The following WDR59 variants were observed in gnomAD, a reference collection of about 807,000 sequenced individuals.
WDR59 encodes the protein GATOR2 complex protein WDR59.
Under a neutral mutation model 131.2 loss-of-function variants are expected in WDR59, and 100 were observed. The observed-to-expected ratio is 0.76, with a 90% CI of 0.65 to 0.90. WDR59 has a LOEUF of 0.90. Ranked by LOEUF, WDR59 falls within the 40% of genes least tolerant of loss-of-function variation. The probability of loss-of-function intolerance (pLI) is 0.00; values close to 1 mark genes in which losing one functional copy is unlikely to be tolerated. For synonymous variants in WDR59, 601 were observed against 466.2 expected (o/e 1.29, Z -3.72); for missense variants, 1,203 against 1,262.2 (o/e 0.95, Z 0.71).
chr16:74,893,942 G>A, intron 18 of WDR59, 130 bp from the exon 19 acceptor site: 1 of 1,026,208 alleles, frequency 9.7e-7, no homozygotes, highest in Non-Finnish European at 1.4e-6. Flanking sequence ...CACAATTATG[G>A]GAATCAGCAT....
chr16:74,961,497 C>A (rs937829046), intron 2 of WDR59, among the ~76,000 whole-genome samples: 5 of 152,086 alleles, frequency 3.3e-5, no homozygotes, highest in Admixed American at 2.6e-4. Flanking sequence ...CTCTGACTGG[C>A]GAGAGATGGT....
intron 8 of WDR59, among the ~76,000 whole-genome samples, chr16:74,933,535 G>C (rs1232415880): frequency 6.6e-6 from 1 of 152,116 alleles, no homozygotes; most frequent in Non-Finnish European, 1.5e-5. Context: ...ACTTACTGCT[G>C]TATTTAACTT....
At chr16:74,917,409 G>C (rs1392052754) in intron 11 of WDR59, among the ~76,000 whole-genome samples, 2 of 152,174 alleles carry the variant, frequency 1.3e-5, no homozygotes, top group Non-Finnish European at 2.9e-5. Context: ...AAGACATTTA[G>C]AGGCTCTCTG....
rs1429829637 is a variant in WDR59, at chr16:74,960,516, G to A, written c.105-3906C>T. ...TCCCAGCACTTTGGGAGGCTGAGGT[G>A]GGTGGATCACCCAAGGTCAGGAGTT... is the stretch of plus-strand genomic sequence containing the variant. On this transcript the variant is annotated intron_variant, in intron 2 of 25. Transcript: ENST00000262144. Among the ~76,000 whole-genome samples, 5 of 151,800 alleles carry A rather than the reference G, an allele frequency of 3.3e-5. No homozygotes were observed. The South Asian group carries it at 6.2e-4, about 19-fold the overall frequency.
chr16:74,967,052 G>A (rs977410485), intron 1 of WDR59, among the ~76,000 whole-genome samples: 13 of 152,164 alleles, frequency 8.5e-5, no homozygotes, highest in Non-Finnish European at 1.0e-4. Flanking sequence ...CAGTATCAAC[G>A]AAGAATCCAT....
chr16:74,914,471 T>C (rs1966262225), intron 13 of WDR59, among the ~76,000 whole-genome samples: 1 of 152,160 alleles, frequency 6.6e-6, no homozygotes, highest in Admixed American at 6.6e-5. Context: ...ATGTGGCAAA[T>C]CTGGAGACCT....
Position 74,949,702 on chromosome 16 carries a change from T to C in WDR59, c.407+16A>G, listed in dbSNP as rs1331867756. ...TCACCCCCAACCAAGTGGTTATGCC[T>C]CCTAATTGTTCTTACTTGATATCCC... On this transcript the variant is annotated intron_variant, in intron 5 of 25. Coordinates refer to ENST00000262144, the MANE Select transcript of WDR59 (RefSeq NM_030581.4). The C allele has an allele frequency of 6.2e-7, 1 of 1,612,106 alleles. No homozygotes were observed. Among genetic ancestry groups the C allele is most frequent in the Admixed American group, 1.7e-5 (1 of 59,950 alleles).
At chr16:74,949,591 C>A in intron 5 of WDR59, 127 bp downstream of exon 5, 2 of 740,160 alleles carry the variant, frequency 2.7e-6, no homozygotes, top group Non-Finnish European at 4.5e-6. Context: ...TATTTGCGCT[C>A]AAATCTCTCA....
At chr16:74,944,786 T>G (rs1156436832) in intron 6 of WDR59, among the ~76,000 whole-genome samples, 1 of 151,894 alleles carries the variant, frequency 6.6e-6, no homozygotes, top group Non-Finnish European at 1.5e-5. Flanking sequence ...CTTCCATTTT[T>G]TAAGAAAGAT....
Position 74,983,558 on chromosome 16 carries a change from G to A in WDR59, c.54+1406C>T, listed in dbSNP as rs139304847. The stretch of plus-strand genomic sequence containing the variant: ...TGGGGAAGAGGGGATGTATATGACC[G>A]GTTCAGAGCTACCCACTATGAGTAA... On this transcript the variant is annotated intron_variant, in intron 1 of 25. Coordinates refer to ENST00000262144, the MANE Select transcript of WDR59 (RefSeq NM_030581.4). Among the ~76,000 whole-genome samples the A allele has an allele frequency of 8.2e-3, 1,245 of 152,178 alleles. 77 individuals are homozygous for A. The highest frequency in any genetic ancestry group is 0.073 in the Admixed American group (1,112 of 15,258).
rs1171902609 is a variant in WDR59 at position 74,873,740 on chromosome 16, GTAAATGTACCAGCTTC to G, written c.*453_*468del. 6.3e-6 allele frequency: 1 copy of G among 158,044 alleles called. No homozygotes were observed. Among genetic ancestry groups the G allele is most frequent in the Non-Finnish European group, 1.4e-5 (1 of 71,812 alleles). The allele number at this position is 158,044 out of a possible 1,614,324, so 9.8% of individuals were successfully genotyped here. On this transcript the variant is annotated 3_prime_UTR_variant, in exon 26 of 26. Coordinates refer to ENST00000262144, the MANE Select transcript of WDR59 (RefSeq NM_030581.4). ...TAGAAGGCCACTGTCCATCAGCTCA[GTAAATGTACCAGCTTC>G]TAAAGCCATGATGCCATAGGTCCAT...
intron 6 of WDR59, among the ~76,000 whole-genome samples, chr16:74,943,672 C>T (rs1420288493): frequency 1.3e-5 from 2 of 152,174 alleles, no homozygotes; most frequent in Non-Finnish European, 2.9e-5. Flanking sequence ...CCCTTGCTCA[C>T]AGCACACATG....
At chr16:74,935,357 T>C (rs1162829990) in intron 8 of WDR59, among the ~76,000 whole-genome samples, 1 of 152,108 alleles carries the variant, frequency 6.6e-6, no homozygotes, top group Non-Finnish European at 1.5e-5. Flanking sequence ...TTATGTAAAA[T>C]GATATAAACT....
chr16:74,945,488 A>T (rs893714725), intron 6 of WDR59, among the ~76,000 whole-genome samples: 2 of 152,066 alleles, frequency 1.3e-5, no homozygotes, highest in Non-Finnish European at 2.9e-5. Flanking sequence ...AAAATAAAAA[A>T]AAAAAAGAAA....
intron 6 of WDR59, among the ~76,000 whole-genome samples, chr16:74,943,092 A>G (rs1210674946): frequency 1.3e-5 from 2 of 152,248 alleles, no homozygotes; most frequent in Non-Finnish European, 2.9e-5. Flanking sequence ...CAGAATCAGC[A>G]GGAAAACATA....
intron 3 of WDR59, among the ~76,000 whole-genome samples, chr16:74,955,569 G>C (rs951574): frequency 6.6e-6 from 1 of 152,036 alleles, no homozygotes; most frequent in Non-Finnish European, 1.5e-5. Context: ...GAAAATCAGC[G>C]CAACCTCGGA....
intron 1 of WDR59, among the ~76,000 whole-genome samples, chr16:74,981,649 T>TACAC (rs1567450887): frequency 0.032 from 182 of 5,610 alleles, 9 homozygotes; most frequent in Non-Finnish European, 0.074. Flanking sequence ...TATATATATA[T>TACAC]ATATATATAT....
intron 6 of WDR59, among the ~76,000 whole-genome samples, chr16:74,945,433 T>C (rs547449824): frequency 6.3e-4 from 96 of 151,538 alleles, no homozygotes; most frequent in Admixed American, 1.6e-3. Context: ...GCTGAGATCA[T>C]GCCACTGCAC....
rs192093286 is a variant in WDR59, at chr16:74,952,714, A to G, written c.241-1171T>C. Among the ~76,000 whole-genome samples, 123 of 151,420 alleles carry G rather than the reference A, an allele frequency of 8.1e-4. 3 individuals carry two copies. Among genetic ancestry groups the G allele is most frequent in the African/African-American group, 2.8e-3 (114 of 41,450 alleles). ...CTTTATGAAACACACTGAAAGTGAT[A>G]AAGATTACTAGTAGGCTGAAAACAA... On this transcript the variant is annotated intron_variant, in intron 3 of 25. Coordinates refer to ENST00000262144, the MANE Select transcript of WDR59 (RefSeq NM_030581.4).
Sources: gnomAD v4.1 joint callset for allele counts (sites outside exome capture counted in the v4.1 genomes callset) on GRCh38, gnomAD v4.1.1 for gene constraint, MANE v1.5 for transcripts, NCBI Gene and HGNC (gene_info 2026-07-23, HGNC 2026-07-21) for gene names.